LMNTD1: variants seen among roughly 807,000 people sequenced by gnomAD.
LMNTD1 encodes lamin tail domain-containing protein 1.
In LMNTD1, 35 loss-of-function variants were observed where a neutral mutation model predicts 50.9. The ratio of observed to expected loss-of-function variants is 0.69; its 90% CI spans 0.53 to 0.91. The LOEUF is 0.91. Among genes scored for constraint, LMNTD1 ranks in the 40% least tolerant of loss-of-function variants. LMNTD1 has a pLI of 0.00. For synonymous variants in LMNTD1, 153 were observed against 161.9 expected (o/e 0.94, Z 0.42); for missense variants, 470 against 475.5 (o/e 0.99, Z 0.11).
chr12:25,495,407 G>A (rs1237834454), intron 9 of LMNTD1, among the ~76,000 whole-genome samples: 1 of 151,922 alleles, frequency 6.6e-6, no homozygotes, highest in African/African-American at 2.4e-5. Context: ...TCCCTAAAAT[G>A]AATATTATTA....
chr12:25,525,311 G>A (rs1231555200), intron 6 of LMNTD1, among the ~76,000 whole-genome samples: 2 of 152,126 alleles, frequency 1.3e-5, no homozygotes, highest in Admixed American at 6.5e-5. Context: ...AAGGAGTAAA[G>A]TATAGTCATT....
chr12:25,573,917 C>G (rs566433318), intron 1 of LMNTD1, among the ~76,000 whole-genome samples: 1 of 152,246 alleles, frequency 6.6e-6, no homozygotes, highest in East Asian at 1.9e-4. Flanking sequence ...CTAGATATCC[C>G]TCTAGGGAGA....
In LMNTD1 at chr12:25,550,779, C is replaced by T. The variant is rs187720319; in HGVS notation, c.90-1233G>A. ...ATGTGAAAGTTCCTTTATCAGAAAT[C>T]TTATACCTGGAGAGTTTTGTATTCA... On this transcript the variant is annotated intron_variant, in intron 2 of 9. Transcript: ENST00000458174. Among the ~76,000 whole-genome samples the T allele has an allele frequency of 2.0e-3, 304 of 152,274 alleles. 3 individuals are homozygous for T. The highest frequency in any genetic ancestry group is 7.0e-3 in the African/African-American group (291 of 41,560).
chr12:25,493,534 A>G (rs1938958994), intron 9 of LMNTD1, among the ~76,000 whole-genome samples: 1 of 152,338 alleles, frequency 6.6e-6, no homozygotes, highest in Admixed American at 6.5e-5. Flanking sequence ...ATAAAAGGCC[A>G]TAGTCTCTTC....
intron 1 of LMNTD1, among the ~76,000 whole-genome samples, chr12:25,562,220 C>A (rs1944359639): frequency 6.6e-6 from 1 of 152,196 alleles, no homozygotes; most frequent in Non-Finnish European, 1.5e-5. Context: ...GATGTAGTTT[C>A]TTCCTAGCAT....
At chr12:25,638,400 T>C (rs1413261451) in intron 1 of LMNTD1, among the ~76,000 whole-genome samples, 2 of 152,076 alleles carry the variant, frequency 1.3e-5, no homozygotes, top group African/African-American at 4.8e-5. Context: ...AGTAGTAGTT[T>C]ATCTATTTGC....
chr12:25,548,592 T>G (rs1943567359), intron 3 of LMNTD1, among the ~76,000 whole-genome samples: 1 of 151,860 alleles, frequency 6.6e-6, no homozygotes, highest in Non-Finnish European at 1.5e-5. Flanking sequence ...TTGTGGAAAA[T>G]GAGATGCAGA....
chr12:25,633,348 T>A (rs1946761020), intron 1 of LMNTD1, among the ~76,000 whole-genome samples: 2 of 151,952 alleles, frequency 1.3e-5, no homozygotes, highest in African/African-American at 4.8e-5. Flanking sequence ...ATATAGAACA[T>A]TTCATCCAAC....
chr12:25,511,423 G>C (rs184723614), intron 8 of LMNTD1, among the ~76,000 whole-genome samples: 1 of 152,244 alleles, frequency 6.6e-6, no homozygotes, highest in East Asian at 1.9e-4. Context: ...TGGAATGACA[G>C]ACTTTGAAGG....
intron 1 of LMNTD1, among the ~76,000 whole-genome samples, chr12:25,573,138 T>A (rs1157857520): frequency 2.0e-5 from 3 of 152,166 alleles, no homozygotes; most frequent in African/African-American, 7.2e-5. Flanking sequence ...AGAGAATCCA[T>A]CTGGTCAGTC....
At chr12:25,615,753 G>A (rs968674954) in intron 1 of LMNTD1, among the ~76,000 whole-genome samples, 2 of 152,080 alleles carry the variant, frequency 1.3e-5, no homozygotes, top group Non-Finnish European at 2.9e-5. Flanking sequence ...GAGCCATGGC[G>A]CCCAGCCTAG....
intron 1 of LMNTD1, among the ~76,000 whole-genome samples, chr12:25,647,481 T>G (rs1947099246): frequency 6.6e-6 from 1 of 152,082 alleles, no homozygotes; most frequent in Non-Finnish European, 1.5e-5. Flanking sequence ...CAGAGCCAGA[T>G]CCTGTATTAA....
chr12:25,645,859 A>T (rs1158628716), intron 1 of LMNTD1, among the ~76,000 whole-genome samples: 1 of 152,196 alleles, frequency 6.6e-6, no homozygotes, highest in Non-Finnish European at 1.5e-5. Context: ...GGTTCTCAGT[A>T]AATATTAATC....
intron 1 of LMNTD1, among the ~76,000 whole-genome samples, chr12:25,645,893 C>T (rs745845106): frequency 1.3e-5 from 2 of 152,106 alleles, no homozygotes; most frequent in Non-Finnish European, 2.9e-5. Flanking sequence ...GGAGCCATGT[C>T]ACTACTGCTG....
chr12:25,594,807 C>G (rs766973379), intron 1 of LMNTD1, among the ~76,000 whole-genome samples: 9 of 151,972 alleles, frequency 5.9e-5, no homozygotes, highest in Non-Finnish European at 1.3e-4. Context: ...TAAAAATTCA[C>G]CAAACAACTA....
chr12:25,563,009 A>G (rs1944401850), intron 1 of LMNTD1, among the ~76,000 whole-genome samples: 2 of 152,154 alleles, frequency 1.3e-5, no homozygotes, highest in Admixed American at 1.3e-4. Flanking sequence ...GGACTTCTCT[A>G]CACTGTTTAT....
intron 9 of LMNTD1, among the ~76,000 whole-genome samples, chr12:25,494,468 T>C (rs1938993030): frequency 6.6e-6 from 1 of 152,148 alleles, no homozygotes; most frequent in Non-Finnish European, 1.5e-5. Context: ...ACTGAAACTA[T>C]CGTTGGCCTA....
At chr12:25,494,640 C>T (rs1938999638) in intron 9 of LMNTD1, among the ~76,000 whole-genome samples, 1 of 151,926 alleles carries the variant, frequency 6.6e-6, no homozygotes, top group African/African-American at 2.4e-5. Context: ...AAGTGGTAAC[C>T]ATCTATATTG....
chr12:25,505,007 A>T (rs1939641979), intron 8 of LMNTD1, among the ~76,000 whole-genome samples: 1 of 152,200 alleles, frequency 6.6e-6, no homozygotes, highest in Non-Finnish European at 1.5e-5. Context: ...AGACTGACTA[A>T]TCTAAGAACA....
Sources: allele counts gnomAD v4.1 joint callset (sites outside exome capture counted in the v4.1 genomes callset), GRCh38; gene constraint gnomAD v4.1.1; transcripts MANE v1.5; gene names NCBI Gene and HGNC (gene_info 2026-07-23, HGNC 2026-07-21).